ATG7: variants seen among roughly 807,000 people sequenced by gnomAD.
ATG7 encodes ubiquitin-like modifier-activating enzyme ATG7.
A neutral mutation model predicts 82.4 loss-of-function variants in ATG7; 70 were observed. That is an observed-to-expected ratio of 0.85 (90% CI 0.70 to 1.04). The LOEUF is 1.04. Ranked by LOEUF, ATG7 falls within the 50% of genes least tolerant of loss-of-function variation. The pLI is 0.00. For synonymous variants in ATG7, 287 were observed against 313.0 expected (o/e 0.92, Z 0.88); for missense variants, 792 against 864.3 (o/e 0.92, Z 1.05).
intron 20 of ATG7, among the ~76,000 whole-genome samples, chr3:11,466,821 TGGAGG>T (rs2153006934): frequency 6.6e-6 from 1 of 152,240 alleles, no homozygotes; most frequent in South Asian, 2.1e-4. Context: ...ATGTCCTAAA[TGGAGG>T]GACTTTTAAA....
intron 19 of ATG7, among the ~76,000 whole-genome samples, chr3:11,402,989 C>G (rs192145249): frequency 3.9e-5 from 6 of 152,154 alleles, no homozygotes; most frequent in African/African-American, 1.4e-4. Flanking sequence ...GGAATCTATT[C>G]TCTTAAATGC....
chr3:11,480,534 C>T (rs1182967042), intron 20 of ATG7, among the ~76,000 whole-genome samples: 1 of 152,076 alleles, frequency 6.6e-6, no homozygotes, highest in East Asian at 1.9e-4. Flanking sequence ...CATGACTGCC[C>T]TCCAGCCTGG....
chr3:11,344,170 T>C (rs1163537214), intron 13 of ATG7, among the ~76,000 whole-genome samples: 2 of 152,338 alleles, frequency 1.3e-5, no homozygotes, highest in East Asian at 3.9e-4. Context: ...TTCTAAACTC[T>C]CTTAGTTCTA....
chr3:11,548,340 A>C (rs922132399), intron 20 of ATG7, among the ~76,000 whole-genome samples: 1 of 152,160 alleles, frequency 6.6e-6, no homozygotes, highest in Admixed American at 6.5e-5. Flanking sequence ...TTCTGTGGCT[A>C]TCTTTTCTCT....
chr3:11,508,666 GTCTCCAACTCTTGGGCTCAAGTGATCC>G (rs923321790), intron 20 of ATG7, among the ~76,000 whole-genome samples: 1 of 152,220 alleles, frequency 6.6e-6, no homozygotes, highest in African/African-American at 2.4e-5. Context: ...GCCCAGGCTG[GTCTCCAACTCTTGGGCTCAAGTGATCC>G]TCCTATCTTG....
chr3:11,514,987 C>T (rs1038874706), intron 20 of ATG7, among the ~76,000 whole-genome samples: 9 of 151,620 alleles, frequency 5.9e-5, no homozygotes, highest in African/African-American at 1.7e-4. Context: ...ATTACAGGTG[C>T]GCACCACCAC....
chr3:11,479,748 G>A (rs2153030304), intron 20 of ATG7, among the ~76,000 whole-genome samples: 1 of 152,298 alleles, frequency 6.6e-6, no homozygotes, highest in South Asian at 2.1e-4. Context: ...GGTCACTGCT[G>A]CATGTATGCA....
chr3:11,416,458 G>T (rs1371347606), intron 19 of ATG7, among the ~76,000 whole-genome samples: 1 of 151,712 alleles, frequency 6.6e-6, no homozygotes, highest in African/African-American at 2.4e-5. Flanking sequence ...TAAATAATTG[G>T]TTCAATTCAT....
At chr3:11,412,550 G>A (rs993446475) in intron 19 of ATG7, among the ~76,000 whole-genome samples, 1 of 152,088 alleles carries the variant, frequency 6.6e-6, no homozygotes, top group Non-Finnish European at 1.5e-5. Flanking sequence ...GCTGAACTTT[G>A]TAGCTTTGTA....
intron 19 of ATG7, among the ~76,000 whole-genome samples, chr3:11,424,138 C>T (rs1431761997): frequency 1.3e-5 from 2 of 152,122 alleles, no homozygotes; most frequent in Non-Finnish European, 2.9e-5. Context: ...CAGCTTTGCT[C>T]AACCTTCCCT....
intron 18 of ATG7, among the ~76,000 whole-genome samples, chr3:11,376,567 G>C (rs550343395): frequency 3.3e-5 from 5 of 152,068 alleles, no homozygotes; most frequent in Admixed American, 6.5e-5. Context: ...TCAGCATGAG[G>C]CAAGCTCAGG....
chr3:11,537,811 G>C (rs1270718499), intron 20 of ATG7, among the ~76,000 whole-genome samples: 3 of 152,216 alleles, frequency 2.0e-5, no homozygotes, highest in Non-Finnish European at 2.9e-5. Flanking sequence ...AAAATGGAGA[G>C]ATGTATTTTC....
Position 11,359,644 on chromosome 3 carries a change from C to T in ATG7, c.1480-937C>T, listed in dbSNP as rs557983934. ...CTGGGAGGTTGAGGCTGCAGTGAAC[C>T]GAGATCACGCCATTGCATTCCAGCC... On this transcript the variant is annotated intron_variant, in intron 15 of 20. Transcript: ENST00000693202. Among the ~76,000 whole-genome samples, 6 of 151,984 alleles carry T rather than the reference C, an allele frequency of 3.9e-5. No homozygotes were observed. In the South Asian group the frequency reaches 8.3e-4, roughly 21 times the overall value.
intron 19 of ATG7, among the ~76,000 whole-genome samples, chr3:11,419,112 C>T (rs560674270): frequency 4.4e-4 from 67 of 152,240 alleles, no homozygotes; most frequent in African/African-American, 6.3e-4. Flanking sequence ...AATACATGCA[C>T]GTGTATTTTT....
intron 3 of ATG7, among the ~76,000 whole-genome samples, chr3:11,288,324 C>T (rs552243338): frequency 9.2e-5 from 14 of 152,104 alleles, no homozygotes; most frequent in South Asian, 2.1e-4. Flanking sequence ...GCCCTTTGTG[C>T]GAAAAGAGAG....
At chr3:11,306,000 T>A (rs900612706) in intron 5 of ATG7, among the ~76,000 whole-genome samples, 1 of 152,234 alleles carries the variant, frequency 6.6e-6, no homozygotes, top group African/African-American at 2.4e-5. Context: ...TCATTTAACA[T>A]CTGTAAACTC....
intron 20 of ATG7, among the ~76,000 whole-genome samples, chr3:11,464,575 T>A (rs911360533): frequency 6.6e-6 from 1 of 152,194 alleles, no homozygotes; most frequent in Non-Finnish European, 1.5e-5. Context: ...CAAGAGTCAT[T>A]CTTGTTTCTT....
At chr3:11,492,835 T>C (rs1329706826) in intron 20 of ATG7, among the ~76,000 whole-genome samples, 2 of 152,234 alleles carry the variant, frequency 1.3e-5, no homozygotes, top group Non-Finnish European at 2.9e-5. Flanking sequence ...ACTTTGGTGC[T>C]GGAAGGAACA....
intron 14 of ATG7, among the ~76,000 whole-genome samples, chr3:11,350,810 C>T (rs1443693166): frequency 3.3e-5 from 5 of 150,930 alleles, no homozygotes; most frequent in East Asian, 3.9e-4. Flanking sequence ...GTCTAGGCTG[C>T]GCACAGTGGC....
Sources: allele counts gnomAD v4.1 joint callset (sites outside exome capture counted in the v4.1 genomes callset), GRCh38; gene constraint gnomAD v4.1.1; transcripts MANE v1.5; gene names NCBI Gene and HGNC (gene_info 2026-07-23, HGNC 2026-07-21).